The following CNTNAP1 variants were observed in gnomAD, a reference collection of about 807,000 sequenced individuals.
CNTNAP1 encodes the protein contactin associated protein 1.
In CNTNAP1, 80 loss-of-function variants were observed where a neutral mutation model predicts 161.5. That is an observed-to-expected ratio of 0.50 (90% CI 0.41 to 0.60). The LOEUF is 0.60. CNTNAP1 is among the 20% of genes least tolerant of loss of function. The pLI is 0.00. For missense variants in CNTNAP1, 1,464 were observed against 1,854.8 expected (o/e 0.79, Z 3.87); for synonymous variants, 695 against 733.1 (o/e 0.95, Z 0.84).
chr17:42,693,625 A>G, intron 18 of CNTNAP1, 89 bp downstream of exon 18: 2 of 1,536,260 alleles, frequency 1.3e-6, no homozygotes, highest in Non-Finnish European at 8.8e-7. Flanking sequence ...TGTAAAGCCC[A>G]TATCATGGAA....
chr17:42,686,480 T>TTTTTTTTG (rs1567970536), intron 6 of CNTNAP1, among the ~76,000 whole-genome samples: 52 of 132,080 alleles, frequency 3.9e-4, no homozygotes, highest in African/African-American at 1.8e-3. Context: ...TTTTTTTTTT[T>TTTTTTTTG]TTTTTTTTTT....
At chr17:42,692,821 C>A (rs1597809254) in intron 17 of CNTNAP1, 101 bp downstream of exon 17, 5 of 1,045,044 alleles carry the variant, frequency 4.8e-6, no homozygotes, top group African/African-American at 1.6e-5. Context: ...AGGTGCCAGT[C>A]CCCTCTGCTT....
rs776434888 is a variant in CNTNAP1, at chr17:42,682,908, G to C, written c.67+12G>C. 6.3e-7 allele frequency: 1 copy of C among 1,595,638 alleles called. No individual in the cohort carries two copies. Among genetic ancestry groups the C allele is most frequent in the Non-Finnish European group, 8.5e-7 (1 of 1,172,430 alleles). ...GGGCTGGGGCTACTGTGAGTGTTGG[G>C]CTTGGAGGCAGGTGGGGTTGGGCCC... On this transcript the variant is annotated intron_variant, in intron 1 of 23. Transcript: ENST00000264638.
chr17:42,689,731 C>A, intron 11 of CNTNAP1, 104 bp downstream of exon 11: 1 of 943,702 alleles, frequency 1.1e-6, no homozygotes, highest in Non-Finnish European at 1.7e-6. Flanking sequence ...CCCTTCCAGC[C>A]CTCTCGCTTT....
chr17:42,691,038 G>A lies in CNTNAP1; in HGVS notation c.2059+96G>A. 1 of 1,596,290 alleles carries A rather than the reference G, an allele frequency of 6.3e-7. No homozygotes were observed. The highest frequency in any genetic ancestry group is 8.6e-7 in the Non-Finnish European group (1 of 1,169,434). ...GAGAGCCAGCTGGGGCCTTGGGTTG[G>A]AAGATTCAAGGAGGGGTCTGAACTC... On this transcript the variant is annotated intron_variant, in intron 13 of 23. Coordinates refer to ENST00000264638, the MANE Select transcript of CNTNAP1 (RefSeq NM_003632.3). This position sits in a 1 kb window ranked among gnomAD's most constrained non-coding sequence, Gnocchi z 4.3.
chr17:42,693,395 G>A lies in CNTNAP1; in HGVS notation c.2851G>A (p.Glu951Lys), dbSNP rs772032908. Residue 951 changes from glutamate (E) to lysine (K), a missense_variant, in exon 18 of 24, where the codon GAG becomes AAG. By Grantham distance (56) the Glu-to-Lys change is moderately conservative (BLOSUM62 1). Around this residue, in one of 3 missense-constraint regions of CNTNAP1, gnomAD observed 1,383 missense variants for 1,765.0 expected, o/e 0.78. Coordinates refer to ENST00000264638, the MANE Select transcript of CNTNAP1 (RefSeq NM_003632.3). Reference protein sequence around the residue: ...LNLEGRANASEGTSPNCTGHC... With the variant: ...LNLEGRANASKGTSPNCTGHC... ...CCTGGAGGGCCGTGCCAATGCCTCT[G>A]AGGGTACCTCACCCAACTGCACAGG... 1 of 1,614,242 alleles carries A rather than the reference G, an allele frequency of 6.2e-7. No homozygotes were observed. The highest frequency in any genetic ancestry group is 8.5e-7 in the Non-Finnish European group (1 of 1,180,040).
At chr17:42,686,481 T>G (rs11654667) in intron 6 of CNTNAP1, among the ~76,000 whole-genome samples, 19 of 93,858 alleles carry the variant, frequency 2.0e-4, no homozygotes, top group South Asian at 6.4e-4. Flanking sequence ...TTTTTTTTTT[T>G]TTTTTTTTTT....
At position 42,698,897 on chromosome 17, in the gene CNTNAP1, C is replaced by T. The variant is rs1279444614; in HGVS notation, c.4142C>T (p.Ser1381Phe). 1 of 1,543,134 alleles carries T rather than the reference C, an allele frequency of 6.5e-7. No individual in the cohort carries two copies. The highest frequency in any genetic ancestry group is 1.2e-5 in the South Asian group (1 of 82,450). The change falls in exon 24 of 24, where the codon TCC becomes TTC. Residue 1381 changes from serine (S) to phenylalanine (F), a missense_variant. Physicochemically the swap from Ser to Phe is radical, Grantham distance 155. Coordinates refer to ENST00000264638, the MANE Select transcript of CNTNAP1 (RefSeq NM_003632.3). ...DQNLPQILEE[S>F]RSE ...AACCTACCCCAGATCCTGGAGGAGTCCAGGTCTGAATGAGTCAGAAGGGCT... is the reference window on the plus strand; with the variant it reads ...AACCTACCCCAGATCCTGGAGGAGTTCAGGTCTGAATGAGTCAGAAGGGCT...
chr17:42,690,203 C>T lies in CNTNAP1; in HGVS notation c.1851C>T (p.Ile617=), dbSNP rs1329543906. The change falls in exon 12 of 24, where the codon ATC becomes ATT. Residue 617 remains isoleucine, a synonymous_variant. Coordinates refer to ENST00000264638, the MANE Select transcript of CNTNAP1 (RefSeq NM_003632.3). ...PLKPFVVYCD[I]RENRAWTVVR... ...AGCCATTTGTAGTGTACTGTGATATCCGAGGTAAGTGTCTCTGTTGGGTGG... is the reference window on the plus strand; with the variant it reads ...AGCCATTTGTAGTGTACTGTGATATTCGAGGTAAGTGTCTCTGTTGGGTGG... 1.9e-6 allele frequency: 3 copies of T among 1,613,732 alleles called. No homozygotes were observed. Among genetic ancestry groups the T allele is most frequent in the Non-Finnish European group, 2.5e-6 (3 of 1,179,904 alleles).
At position 42,687,190 on chromosome 17, in the gene CNTNAP1, G is replaced by A; in HGVS notation, c.1044+144G>A. ...CAGATGCTCAAGTTGGGAGGGGAGC[G>A]GGTCTCACCTGAGGTGCATGAGCCA... On this transcript the variant is annotated intron_variant, in intron 7 of 23. Transcript: ENST00000264638. This position sits in a 1 kb window ranked among gnomAD's most constrained non-coding sequence, Gnocchi z 4.7. 1.7e-6 allele frequency: 2 copies of A among 1,192,066 alleles called. No homozygotes were observed. The highest frequency in any genetic ancestry group is 2.3e-6 in the Non-Finnish European group (2 of 862,296). 73.8% of individuals were successfully genotyped at this position (1,192,066 alleles called of 1,614,324 possible).
At position 42,682,879 on chromosome 17, in the gene CNTNAP1, C is replaced by T. The variant is rs537059106; in HGVS notation, c.50C>T (p.Ala17Val). 16 of 1,601,348 alleles carry T rather than the reference C, an allele frequency of 1.0e-5. No individual in the cohort carries two copies. In the African/African-American group the frequency reaches 1.9e-4, roughly 19 times the overall value. Residue 17 changes from alanine to valine, a missense_variant, in exon 1 of 24, where the codon GCC becomes GTC. Physicochemically the swap from Ala to Val is moderately conservative, Grantham distance 64. Coordinates refer to ENST00000264638, the MANE Select transcript of CNTNAP1 (RefSeq NM_003632.3). ...FCILLAAVSG[A>V]EGWGYYGCDE... ...ATCCTGCTCGCCGCGGTCTCAGGAGCCGAGGGCTGGGGCTACTGTGAGTGT... is the reference window on the plus strand; with the variant it reads ...ATCCTGCTCGCCGCGGTCTCAGGAGTCGAGGGCTGGGGCTACTGTGAGTGT...
In CNTNAP1 at chr17:42,688,922, G is replaced by A. The variant is rs551496886; in HGVS notation, c.1503G>A (p.Thr501=). The A allele has an allele frequency of 1.1e-4, 185 of 1,614,078 alleles. No homozygotes were observed. Among genetic ancestry groups the A allele is most frequent in the East Asian group, 1.1e-3 (49 of 44,864 alleles). ...ASRWDCHSNQ[T]AFHGCMELLK... ...GATGGGACTGCCACTCCAACCAGAC[G>A]GCATTCCATGGCTGCATGGAGCTGC... is the stretch of plus-strand genomic sequence containing the variant. Residue 501 remains threonine, a synonymous_variant, in exon 10 of 24, where the codon ACG becomes ACA. Coordinates refer to ENST00000264638, the MANE Select transcript of CNTNAP1 (RefSeq NM_003632.3).
At chr17:42,693,856 T>C (rs2053122628) in intron 18 of CNTNAP1, among the ~76,000 whole-genome samples, 1 of 151,902 alleles carries the variant, frequency 6.6e-6, no homozygotes, top group Non-Finnish European at 1.5e-5. Context: ...ACCCTGTCTC[T>C]ACAAAAAAAA....
Position 42,699,779 on chromosome 17 carries a change from T to G in CNTNAP1, c.*869T>G, listed in dbSNP as rs2053204069. 1 of 152,678 alleles carries G rather than the reference T, an allele frequency of 6.5e-6. No homozygotes were observed. The highest frequency in any genetic ancestry group is 2.4e-5 in the African/African-American group (1 of 41,464). 9.5% of individuals were successfully genotyped at this position (152,678 alleles called of 1,614,324 possible). On this transcript the variant is annotated 3_prime_UTR_variant, in exon 24 of 24. Coordinates refer to ENST00000264638, the MANE Select transcript of CNTNAP1 (RefSeq NM_003632.3). ...TCTATATATTATTCGAATTTTTAAATTATTTGTTTATATATAAAAGAAAAG... is the reference window on the plus strand; with the variant it reads ...TCTATATATTATTCGAATTTTTAAAGTATTTGTTTATATATAAAAGAAAAG...
At position 42,693,347 on chromosome 17, in the gene CNTNAP1, C is replaced by A. The variant is rs759800860; in HGVS notation, c.2803C>A (p.Arg935Ser). The A allele has an allele frequency of 5.6e-6, 9 of 1,614,184 alleles. No individual in the cohort carries two copies. Among genetic ancestry groups the A allele is most frequent in the South Asian group, 1.1e-5 (1 of 91,088 alleles). The part of the protein sequence containing the change: ...RPFVGCLRAM[R>S]LNGVTLNLEG... ...CTTTGTGGGTTGCTTGAGGGCCATG[C>A]GTCTGAACGGAGTGACTCTGAACCT... Residue 935 changes from arginine (R) to serine (S), a missense_variant, in exon 18 of 24, where the codon CGT (arginine) becomes AGT (serine). By Grantham distance (110) the Arg-to-Ser change is moderately radical. Transcript: ENST00000264638.
intron 16 of CNTNAP1, 78 bp from the exon 17 acceptor site, chr17:42,692,421 G>A: frequency 4.9e-6 from 6 of 1,214,152 alleles, no homozygotes; most frequent in Non-Finnish European, 7.1e-6. Context: ...AGGGAAAGAG[G>A]TTATATTGGG....
Position 42,690,843 on chromosome 17 carries a change from G to A in CNTNAP1, c.1960G>A (p.Ala654Thr). The A allele has an allele frequency of 6.2e-7, 1 of 1,614,262 alleles. No individual in the cohort carries two copies. The highest frequency in any genetic ancestry group is 8.5e-7 in the Non-Finnish European group (1 of 1,180,050). ...PFLGAIQYWN[A>T]SWEEVSALAN... ...CCTGGGGGCTATCCAGTACTGGAAT[G>A]CATCCTGGGAGGAAGTCAGTGCCCT... The change falls in exon 13 of 24, where the codon GCA (alanine) becomes ACA (threonine). Residue 654 changes from alanine to threonine, a missense_variant. Around this residue, in one of 3 missense-constraint regions of CNTNAP1, gnomAD observed 1,383 missense variants for 1,765.0 expected, o/e 0.78. Transcript: ENST00000264638.
chr17:42,684,123 C>T lies in CNTNAP1; in HGVS notation c.257C>T (p.Ala86Val), dbSNP rs1395176846. The change falls in exon 3 of 24, where the codon GCC (alanine) becomes GTC (valine). Residue 86 changes from alanine to valine, a missense_variant. By Grantham distance (64) the Ala-to-Val change is moderately conservative. Around this residue, in one of 3 missense-constraint regions of CNTNAP1, gnomAD observed 1,383 missense variants for 1,765.0 expected, o/e 0.78. Coordinates refer to ENST00000264638, the MANE Select transcript of CNTNAP1 (RefSeq NM_003632.3). ...AAGAAGCACCGGATCCGGGCCGTGG[C>T]CACACAGGGCTCCTTTAATTCTTGG... ...LMKKHRIRAV[A>V]TQGSFNSWDW... 1 of 1,614,204 alleles carries T rather than the reference C, an allele frequency of 6.2e-7. No individual in the cohort carries two copies. The highest frequency in any genetic ancestry group is 2.2e-5 in the East Asian group (1 of 44,876).
chr17:42,695,921 G>A, intron 19 of CNTNAP1, 47 bp downstream of exon 19: 1 of 1,596,998 alleles, frequency 6.3e-7, no homozygotes, highest in African/African-American at 1.3e-5. Flanking sequence ...TCACCCCGGT[G>A]CCCCTAATTC....
Sources: allele counts gnomAD v4.1 joint callset (sites outside exome capture counted in the v4.1 genomes callset), GRCh38; gene constraint gnomAD v4.1.1; regional missense constraint gnomAD v4.1.1; non-coding constraint Gnocchi (gnomAD v3.1); transcripts MANE v1.5; gene names NCBI Gene and HGNC (gene_info 2026-07-23, HGNC 2026-07-21).